The following MAN2A1 variants were observed in gnomAD, a reference collection of about 807,000 sequenced individuals.
MAN2A1 encodes mannosidase alpha class 2A member 1.
In MAN2A1, 76 loss-of-function variants were observed where a neutral mutation model predicts 142.6. The observed-to-expected ratio is 0.53, with a 90% CI of 0.44 to 0.65. MAN2A1 has a LOEUF of 0.65. Ranked by LOEUF, MAN2A1 falls within the 30% of genes least tolerant of loss-of-function variation. The probability of loss-of-function intolerance (pLI) is 0.00; values close to 1 mark genes in which losing one functional copy is unlikely to be tolerated. For synonymous variants in MAN2A1, 559 were observed against 473.2 expected, an observed-to-expected ratio of 1.18 and a Z score of -2.35; for missense variants, 1,311 against 1,365.1, an observed-to-expected ratio of 0.96 and a Z score of 0.62.
intron 13 of MAN2A1, among the ~76,000 whole-genome samples, chr5:109,818,377 C>A (rs1005020208): frequency 6.6e-6 from 1 of 151,992 alleles, no homozygotes; most frequent in Non-Finnish European, 1.5e-5. Flanking sequence ...ACCCCGTGAT[C>A]CACCTTCTAG....
intron 12 of MAN2A1, among the ~76,000 whole-genome samples, chr5:109,806,813 C>A (rs1234254464): frequency 1.3e-5 from 2 of 152,176 alleles, no homozygotes; most frequent in African/African-American, 4.8e-5. Flanking sequence ...ATGCAGCATG[C>A]TTGTTTACCT....
intron 4 of MAN2A1, among the ~76,000 whole-genome samples, chr5:109,743,024 G>C (rs963947700): frequency 2.0e-5 from 3 of 152,134 alleles, no homozygotes; most frequent in African/African-American, 7.2e-5. Flanking sequence ...CCATCCCTTG[G>C]ATACTTTCTC....
chr5:109,773,687 G>T (rs1419861328), intron 7 of MAN2A1, among the ~76,000 whole-genome samples: 1 of 152,004 alleles, frequency 6.6e-6, no homozygotes, highest in Non-Finnish European at 1.5e-5. Context: ...TTTTATATTT[G>T]CAAAGCAATT....
intron 4 of MAN2A1, among the ~76,000 whole-genome samples, chr5:109,747,123 A>G (rs1582853610): frequency 1.3e-5 from 2 of 152,164 alleles, no homozygotes; most frequent in African/African-American, 4.8e-5. Context: ...TGTGAATATG[A>G]GTGTGCAGAT....
chr5:109,713,337 G>C (rs1751355426), intron 1 of MAN2A1, among the ~76,000 whole-genome samples, 183 bp from the exon 2 acceptor site: 1 of 152,110 alleles, frequency 6.6e-6, no homozygotes, highest in Non-Finnish European at 1.5e-5. Context: ...ATTTTCTGCT[G>C]TAAATTGGTG....
chr5:109,711,216 C>T (rs1034226673), intron 1 of MAN2A1, among the ~76,000 whole-genome samples: 5 of 152,090 alleles, frequency 3.3e-5, no homozygotes, highest in Admixed American at 6.6e-5. Flanking sequence ...GTACTGCTGG[C>T]GAGATGAATC....
intron 5 of MAN2A1, among the ~76,000 whole-genome samples, chr5:109,761,349 A>G (rs1265628739): frequency 6.7e-6 from 1 of 149,938 alleles, no homozygotes; most frequent in African/African-American, 2.5e-5. Context: ...GTATCATATT[A>G]TATAGTATTT....
Position 109,817,283 on chromosome 5 carries a change from G to C in MAN2A1, c.1954G>C (p.Val652Leu). 1 of 1,613,614 alleles carries C rather than the reference G, an allele frequency of 6.2e-7. No individual in the cohort carries two copies. Among genetic ancestry groups the C allele is most frequent in the Non-Finnish European group, 8.5e-7 (1 of 1,179,780 alleles). Residue 652 changes from valine (V) to leucine (L), a missense_variant, in exon 13 of 22, where the codon GTC becomes CTC. By Grantham distance (32) the Val-to-Leu change is conservative. This residue lies in a region of MAN2A1 where 890 missense variants were observed against 920.5 expected (regional missense o/e 0.97). Coordinates refer to ENST00000261483, the MANE Select transcript of MAN2A1 (RefSeq NM_002372.4). ...RLSAEPRYLVVYNPLEQDRIS... is the reference protein window; with the variant it reads ...RLSAEPRYLVLYNPLEQDRIS... ...CAGCTGTTTTTGCAGGTACCTTGTG[G>C]TCTATAATCCTTTAGAACAAGACCG...
intron 7 of MAN2A1, among the ~76,000 whole-genome samples, chr5:109,772,922 T>C (rs769442270): frequency 2.0e-5 from 3 of 152,194 alleles, no homozygotes; most frequent in Non-Finnish European, 4.4e-5. Flanking sequence ...TAAAGAAATA[T>C]CATTCTTTGT....
chr5:109,839,781 G>A (rs747180452), intron 16 of MAN2A1, among the ~76,000 whole-genome samples: 1 of 151,776 alleles, frequency 6.6e-6, no homozygotes, highest in Non-Finnish European at 1.5e-5. Context: ...GTATATACCG[G>A]AAAGAAATTC....
intron 9 of MAN2A1, among the ~76,000 whole-genome samples, chr5:109,783,092 G>A (rs1753504294): frequency 6.6e-6 from 1 of 152,048 alleles, no homozygotes; most frequent in Admixed American, 6.6e-5. Flanking sequence ...TCTCAATAAT[G>A]TAGAGATCGT....
chr5:109,834,023 T>TC (rs1297911438), intron 16 of MAN2A1, among the ~76,000 whole-genome samples: 1 of 152,130 alleles, frequency 6.6e-6, no homozygotes, highest in African/African-American at 2.4e-5. Flanking sequence ...GTTTTATTTT[T>TC]TTTATAAGTT....
chr5:109,792,110 T>G (rs1335240802), intron 12 of MAN2A1, among the ~76,000 whole-genome samples: 4 of 152,078 alleles, frequency 2.6e-5, no homozygotes, highest in Admixed American at 6.6e-5. Flanking sequence ...GCATTGCCAT[T>G]GGCTTGTTTA....
At chr5:109,751,990 C>T (rs1752560595) in intron 4 of MAN2A1, among the ~76,000 whole-genome samples, 1 of 152,084 alleles carries the variant, frequency 6.6e-6, no homozygotes, top group African/African-American at 2.4e-5. Flanking sequence ...ACACTGTCAT[C>T]AAAAAGCCCT....
At chr5:109,841,302 C>T (rs1755197934) in intron 16 of MAN2A1, among the ~76,000 whole-genome samples, 1 of 152,178 alleles carries the variant, frequency 6.6e-6, no homozygotes, top group Admixed American at 6.5e-5. Flanking sequence ...CCCCCTCCAA[C>T]CCTTCCTCCC....
chr5:109,834,413 G>C (rs1230521493), intron 16 of MAN2A1, among the ~76,000 whole-genome samples: 1 of 144,978 alleles, frequency 6.9e-6, no homozygotes, highest in Non-Finnish European at 1.5e-5. Flanking sequence ...AAATTCTGTT[G>C]TTTCATAACA....
chr5:109,752,050 T>C (rs1752562387), intron 4 of MAN2A1, among the ~76,000 whole-genome samples: 1 of 152,198 alleles, frequency 6.6e-6, no homozygotes, highest in Non-Finnish European at 1.5e-5. Context: ...CTCAACGCAA[T>C]TGCACTGTTT....
chr5:109,773,806 C>T (rs116221133), intron 7 of MAN2A1, among the ~76,000 whole-genome samples: 2,165 of 152,114 alleles, frequency 0.014, 40 homozygotes, highest in African/African-American at 0.049. Context: ...GAGATACTTT[C>T]GTAAGTTTTT....
Position 109,774,883 on chromosome 5 carries a change from A to G in MAN2A1, c.1292A>G (p.Glu431Gly), listed in dbSNP as rs1188391685. 1 of 1,611,986 alleles carries G rather than the reference A, an allele frequency of 6.2e-7. No individual in the cohort carries two copies. The highest frequency in any genetic ancestry group is 8.5e-7 in the Non-Finnish European group (1 of 1,178,506). The change falls in exon 8 of 22, where the codon GAA (glutamate) becomes GGA (glycine). Residue 431 changes from glutamate (E) to glycine (G), a missense_variant. Around this residue, in one of 3 missense-constraint regions of MAN2A1, gnomAD observed 890 missense variants for 920.5 expected, o/e 0.97. Coordinates refer to ENST00000261483, the MANE Select transcript of MAN2A1 (RefSeq NM_002372.4). ...APLGDDFRYC[E>G]YTEWDLQFKN... ...CTAGGAGATGATTTCCGCTACTGTGAATACACGGAATGGGATTTACAGTTT... is the reference window on the plus strand; with the variant it reads ...CTAGGAGATGATTTCCGCTACTGTGGATACACGGAATGGGATTTACAGTTT...
Sources: allele counts gnomAD v4.1 joint callset (sites outside exome capture counted in the v4.1 genomes callset), GRCh38; gene constraint gnomAD v4.1.1; regional missense constraint gnomAD v4.1.1; transcripts MANE v1.5; gene names NCBI Gene and HGNC (gene_info 2026-07-23, HGNC 2026-07-21).